The following ME1 variants were observed in gnomAD, a reference collection of about 807,000 sequenced individuals.
ME1 encodes NADP-dependent malic enzyme.
ME1 carries 74 observed loss-of-function variants against 66.4 expected under a neutral mutation model. That is an observed-to-expected ratio of 1.11 (90% confidence interval 0.92 to 1.35). The LOEUF (loss-of-function observed/expected upper bound fraction) is 1.35. Ranked by LOEUF, ME1 falls within the 40% of genes most tolerant of loss-of-function variation. The pLI is 0.00. For missense variants in ME1, 750 were observed against 694.1 expected (o/e 1.08, Z -0.90); for synonymous variants, 251 against 235.6 (o/e 1.07, Z -0.60).
chr6:83,374,873 T>G (rs1019732768), intron 3 of ME1, among the ~76,000 whole-genome samples: 1 of 152,186 alleles, frequency 6.6e-6, no homozygotes, highest in Non-Finnish European at 1.5e-5. Context: ...CATTGCTTGT[T>G]TTTGTCAGGT....
chr6:83,260,346 A>T (rs937687451), intron 6 of ME1, among the ~76,000 whole-genome samples: 20 of 152,182 alleles, frequency 1.3e-4, no homozygotes, highest in African/African-American at 4.6e-4. Context: ...AAAAGCATTT[A>T]AAAAATCCTC....
At position 83,298,840 on chromosome 6, in the gene ME1, TG is replaced by T. The variant is rs201793607; in HGVS notation, c.704+16469del. Among the ~76,000 whole-genome samples the T allele has an allele frequency of 6.7e-3, 1,009 of 151,640 alleles. 41 individuals carry two copies. The highest frequency in any genetic ancestry group is 0.052 in the Admixed American group (791 of 15,202). ...AATAGGGAATCCTTTCCCCATTGCT[TG>T]GTTTTGTCAGGCTTTTTGAAGATCA... On this transcript the variant is annotated intron_variant, in intron 6 of 13. Transcript: ENST00000369705.
Position 83,430,941 on chromosome 6 carries a change from G to A in ME1, c.14C>T (p.Ala5Val), listed in dbSNP as rs200313015. The A allele has an allele frequency of 4.2e-4, 669 of 1,585,498 alleles. No individual in the cohort carries two copies. The highest frequency in any genetic ancestry group is 4.5e-4 in the Non-Finnish European group (529 of 1,167,542). MEPE[A>V]PRRRHTHQRG... ...CTGATGGGTGTGGCGGCGACGGGGGGCTTCGGGCTCCATGGCTGGCGCCGG... is the reference window on the plus strand; with the variant it reads ...CTGATGGGTGTGGCGGCGACGGGGGACTTCGGGCTCCATGGCTGGCGCCGG... Residue 5 changes from alanine to valine, a missense_variant, in exon 1 of 14, where the codon GCC (alanine) becomes GTC (valine). Ala to Val is a moderately conservative substitution (Grantham distance 64, BLOSUM62 0). Coordinates refer to ENST00000369705, the MANE Select transcript of ME1 (RefSeq NM_002395.6).
At chr6:83,390,782 A>G (rs941415658) in intron 3 of ME1, among the ~76,000 whole-genome samples, 1 of 152,196 alleles carries the variant, frequency 6.6e-6, no homozygotes, top group South Asian at 2.1e-4. Flanking sequence ...TAGATTCAAC[A>G]TTTGTAAGCA....
chr6:83,364,046 G>C (rs1769053715), intron 3 of ME1, among the ~76,000 whole-genome samples: 1 of 152,150 alleles, frequency 6.6e-6, no homozygotes, highest in Non-Finnish European at 1.5e-5. Flanking sequence ...AGGATTGAAA[G>C]ATACATAGTA....
At chr6:83,379,560 G>C (rs1769356418) in intron 3 of ME1, among the ~76,000 whole-genome samples, 1 of 151,866 alleles carries the variant, frequency 6.6e-6, no homozygotes, top group African/African-American at 2.4e-5. Context: ...ATCTTGATTT[G>C]TTAGTGTCTT....
intron 6 of ME1, among the ~76,000 whole-genome samples, chr6:83,307,555 G>A (rs1371819717): frequency 6.6e-6 from 1 of 152,096 alleles, no homozygotes; most frequent in Non-Finnish European, 1.5e-5. Context: ...AAAGTGACAG[G>A]TGGAATCTAA....
intron 3 of ME1, among the ~76,000 whole-genome samples, chr6:83,356,501 TAGA>T (rs1562488990): frequency 1.3e-5 from 2 of 151,908 alleles, no homozygotes; most frequent in African/African-American, 4.8e-5. Context: ...TTGCAAGAAA[TAGA>T]AGAATTATTA....
intron 9 of ME1, among the ~76,000 whole-genome samples, chr6:83,236,181 A>G (rs958907157): frequency 6.6e-6 from 1 of 152,150 alleles, no homozygotes; most frequent in Non-Finnish European, 1.5e-5. Context: ...TCCACAATTC[A>G]TTTGACAATC....
chr6:83,215,422 A>G (rs978351525), intron 13 of ME1, among the ~76,000 whole-genome samples: 1 of 152,222 alleles, frequency 6.6e-6, no homozygotes, highest in Non-Finnish European at 1.5e-5. Context: ...AATGTCCACA[A>G]CGCTGAAGTA....
intron 6 of ME1, among the ~76,000 whole-genome samples, chr6:83,303,983 A>T (rs745546485): frequency 6.6e-6 from 1 of 152,174 alleles, no homozygotes; most frequent in Non-Finnish European, 1.5e-5. Context: ...GCCAGCCTAC[A>T]TCTTTTAACT....
intron 3 of ME1, among the ~76,000 whole-genome samples, chr6:83,358,902 T>C (rs970188455): frequency 6.6e-6 from 1 of 152,130 alleles, no homozygotes; most frequent in African/African-American, 2.4e-5. Context: ...TATTCTCCAA[T>C]TTAAACTTTT....
chr6:83,412,586 T>A (rs1770072773), intron 1 of ME1, among the ~76,000 whole-genome samples: 1 of 152,170 alleles, frequency 6.6e-6, no homozygotes, highest in Admixed American at 6.5e-5. Context: ...TTGCAAATAA[T>A]TTGAAACAAC....
chr6:83,371,230 T>G (rs1481906245), intron 3 of ME1, among the ~76,000 whole-genome samples: 2 of 152,212 alleles, frequency 1.3e-5, no homozygotes, highest in African/African-American at 4.8e-5. Context: ...TGAAGTTTTA[T>G]TTTCAAGTTC....
At chr6:83,388,961 T>A (rs894620680) in intron 3 of ME1, among the ~76,000 whole-genome samples, 1 of 151,792 alleles carries the variant, frequency 6.6e-6, no homozygotes, top group Non-Finnish European at 1.5e-5. Context: ...ACTAAAAAAA[T>A]ACAAAAAAAT....
chr6:83,357,929 C>CTATATA (rs1768925023), intron 3 of ME1, among the ~76,000 whole-genome samples: 1 of 56,324 alleles, frequency 1.8e-5, no homozygotes, highest in African/African-American at 5.9e-5. Context: ...CTCTCTCTCT[C>CTATATA]TCTCTCTATA....
At chr6:83,415,515 G>T (rs1770143326) in intron 1 of ME1, among the ~76,000 whole-genome samples, 1 of 152,116 alleles carries the variant, frequency 6.6e-6, no homozygotes, top group Admixed American at 6.5e-5. Flanking sequence ...ATAAGCAAAT[G>T]GATGTATAAA....
At chr6:83,277,901 A>AAATAATAATAATAAT (rs3837004) in intron 6 of ME1, among the ~76,000 whole-genome samples, 5,159 of 144,052 alleles carry the variant, frequency 0.036, 236 homozygotes, top group African/African-American at 0.1. Context: ...CTGTATCTCA[A>AAATAATAATAATAAT]AATAATAATA....
intron 6 of ME1, among the ~76,000 whole-genome samples, chr6:83,254,708 G>A (rs1489411323): frequency 2.6e-5 from 4 of 151,460 alleles, no homozygotes; most frequent in South Asian, 2.1e-4. Flanking sequence ...TCCTTGTTTC[G>A]AACCTCCCCA....
Sources: allele counts gnomAD v4.1 joint callset (sites outside exome capture counted in the v4.1 genomes callset), GRCh38; gene constraint gnomAD v4.1.1; transcripts MANE v1.5; gene names NCBI Gene and HGNC (gene_info 2026-07-23, HGNC 2026-07-21).